The following FLRT1 variants were observed in gnomAD, a reference collection of about 807,000 sequenced individuals.
FLRT1 encodes the protein leucine-rich repeat transmembrane protein FLRT1.
Under a neutral mutation model 30.9 loss-of-function variants are expected in FLRT1, and 14 were observed. The ratio of observed to expected loss-of-function variants is 0.45; its 90% CI spans 0.30 to 0.71. The LOEUF (loss-of-function observed/expected upper bound fraction) is 0.71, where lower values mean the gene tolerates loss of function less well. Among genes scored for constraint, FLRT1 ranks in the 30% least tolerant of loss-of-function variants. The pLI is 0.08. For missense variants in FLRT1, 737 were observed against 949.2 expected (o/e 0.78, Z 2.94); for synonymous variants, 368 against 430.4 (o/e 0.85, Z 1.80).
At chr11:64,094,246 C>T (rs748573211) in intron 1 of FLRT1, among the ~76,000 whole-genome samples, 16 of 152,102 alleles carry the variant, frequency 1.1e-4, no homozygotes, top group East Asian at 3.9e-4. Flanking sequence ...ACCTGGAAGA[C>T]GGTAAAACCA....
chr11:64,039,166 G>A (rs1044669607), intron 1 of FLRT1, among the ~76,000 whole-genome samples: 3 of 152,178 alleles, frequency 2.0e-5, no homozygotes, highest in Non-Finnish European at 4.4e-5. Flanking sequence ...GGGAGCTGGA[G>A]GGCTTTTGCT....
chr11:64,070,359 C>T (rs757070647), intron 1 of FLRT1, among the ~76,000 whole-genome samples: 20 of 152,264 alleles, frequency 1.3e-4, no homozygotes, highest in Middle Eastern at 3.4e-3. Context: ...CAATGATCCT[C>T]CTGGCCCTTC....
At chr11:64,093,251 C>G (rs1017815605) in intron 1 of FLRT1, among the ~76,000 whole-genome samples, 10 of 152,256 alleles carry the variant, frequency 6.6e-5, no homozygotes, top group Non-Finnish European at 1.3e-4. Flanking sequence ...TTATTATCCA[C>G]ATCAACATCT....
At position 64,047,594 on chromosome 11, in the gene FLRT1, G is replaced by A. The variant is rs544484218; in HGVS notation, c.-1038+11435G>A. 2.1e-4 allele frequency among the ~76,000 whole-genome samples: 32 copies of A among 152,210 alleles called. No homozygotes were observed. The South Asian group carries it at 5.8e-3, about 28-fold the overall frequency. On this transcript the variant is annotated intron_variant, in intron 1 of 2. Coordinates refer to ENST00000682287, the MANE Select transcript of FLRT1 (RefSeq NM_013280.5). Reference sequence around the variant, plus strand: ...GCTCCATTTTACAGATGAGGAAACTGAGGTTAATAGAGGGAAGGAAGGCCG... The same window carrying A: ...GCTCCATTTTACAGATGAGGAAACTAAGGTTAATAGAGGGAAGGAAGGCCG...
chr11:64,093,257 C>T (rs1441205345), intron 1 of FLRT1, among the ~76,000 whole-genome samples: 1 of 152,260 alleles, frequency 6.6e-6, no homozygotes, highest in African/African-American at 2.4e-5. Flanking sequence ...TCCACATCAA[C>T]ATCTCAGCTC....
rs936123973 is a variant in FLRT1 at position 64,116,166 on chromosome 11, G to A, written c.-49-53G>A. ...GGGAGGGAATGCACGATTCACTCCT[G>A]GGGTCGCTGTCGCCGCCTCCCTCTC... On this transcript the variant is annotated intron_variant, in intron 2 of 2. Transcript: ENST00000682287. The A allele has an allele frequency of 2.7e-6, 4 of 1,492,344 alleles. No homozygotes were observed. In the African/African-American group the frequency reaches 4.2e-5, roughly 16 times the overall value. The allele number at this position is 1,492,344 out of a possible 1,614,324, so 92.4% of individuals were successfully genotyped here. A position where few individuals can be genotyped will look rare whatever the true frequency, so the allele number is the denominator to read the frequency against.
At chr11:64,052,269 A>AG (rs1943709346) in intron 1 of FLRT1, among the ~76,000 whole-genome samples, 1 of 151,910 alleles carries the variant, frequency 6.6e-6, no homozygotes, top group African/African-American at 2.4e-5. Context: ...AAAAAAAACA[A>AG]CTTTTTTTGC....
Position 64,116,731 on chromosome 11 carries a change from A to G in FLRT1, c.464A>G (p.Lys155Arg), listed in dbSNP as rs1321067304. 2 of 1,613,664 alleles carry G rather than the reference A, an allele frequency of 1.2e-6. No homozygotes were observed. Residue 155 changes from lysine (K) to arginine (R), a missense_variant, in exon 3 of 3, where the codon AAG (lysine) becomes AGG (arginine). Lys to Arg is a conservative substitution (Grantham distance 26). Coordinates refer to ENST00000682287, the MANE Select transcript of FLRT1 (RefSeq NM_013280.5). The stretch of plus-strand genomic sequence containing the variant: ...CTGGCCCGCATCCCGCTGCTGGAGA[A>G]GCTGCACCTGGATGACAACTCCGTG... ...DSLARIPLLE[K>R]LHLDDNSVST...
rs1944472178 is a variant in FLRT1 at position 64,090,606 on chromosome 11, C to T, written c.-1037-12588C>T. On this transcript the variant is annotated intron_variant, in intron 1 of 2. Transcript: ENST00000682287. The surrounding 1 kb of genome is among the most constrained non-coding windows in gnomAD (Gnocchi z 4.7). ...GGAAGTGGAGGCTGTGGCCAGCCAT[C>T]GCCGCAGGAGGGGTCCCAGCTGGAG... Among the ~76,000 whole-genome samples, 1 of 152,168 alleles carries T rather than the reference C, an allele frequency of 6.6e-6. No homozygotes were observed. Among genetic ancestry groups the T allele is most frequent in the Non-Finnish European group, 1.5e-5 (1 of 68,024 alleles).
intron 1 of FLRT1, among the ~76,000 whole-genome samples, chr11:64,039,244 G>T (rs769526748): frequency 6.6e-6 from 1 of 152,132 alleles, no homozygotes; most frequent in Admixed American, 6.5e-5. Flanking sequence ...AAGAAGGGGC[G>T]TGGGTGTGGC....
chr11:64,106,783 T>C (rs1944769775), intron 2 of FLRT1, among the ~76,000 whole-genome samples: 1 of 152,238 alleles, frequency 6.6e-6, no homozygotes, highest in Admixed American at 6.5e-5. Context: ...TCCCCAGCCC[T>C]GCTGGTGCTG....
Position 64,117,638 on chromosome 11 carries a change from C to G in FLRT1, c.1371C>G (p.Ala457=). Reference sequence around the variant, plus strand: ...ACTCCATCCGCATCACGTGGAAGGCCACGCTCCCCGCCTCCTCTTTCCGGC... The same window carrying G: ...ACTCCATCCGCATCACGTGGAAGGCGACGCTCCCCGCCTCCTCTTTCCGGC... The part of the protein sequence containing the change: ...TADSIRITWK[A]TLPASSFRLS... The change falls in exon 3 of 3, where the codon GCC becomes GCG. Residue 457 remains alanine (A), a synonymous_variant. Transcript: ENST00000682287. The G allele has an allele frequency of 6.2e-7, 1 of 1,613,776 alleles. No homozygotes were observed. The highest frequency in any genetic ancestry group is 8.5e-7 in the Non-Finnish European group (1 of 1,180,034).
intron 1 of FLRT1, among the ~76,000 whole-genome samples, chr11:64,048,372 CTT>C (rs1943625781): frequency 6.6e-6 from 1 of 152,210 alleles, no homozygotes; most frequent in South Asian, 2.1e-4. Context: ...GACAGAGGCC[CTT>C]GTCTGTGGAG....
intron 1 of FLRT1, among the ~76,000 whole-genome samples, chr11:64,046,144 C>T (rs1315654275): frequency 2.6e-5 from 4 of 152,278 alleles, no homozygotes; most frequent in South Asian, 4.1e-4. Context: ...GATGGGAACC[C>T]GGCTTCTCTT....
At chr11:64,065,121 C>T (rs1248743334) in intron 1 of FLRT1, among the ~76,000 whole-genome samples, 2 of 152,308 alleles carry the variant, frequency 1.3e-5, no homozygotes, top group South Asian at 2.1e-4. Context: ...CAGAGGAGAA[C>T]GGGCTACACG....
At chr11:64,108,207 G>A (rs1173590897) in intron 2 of FLRT1, among the ~76,000 whole-genome samples, 1 of 152,054 alleles carries the variant, frequency 6.6e-6, no homozygotes, top group Non-Finnish European at 1.5e-5. Flanking sequence ...CAGCTACGCG[G>A]GAGGCTGAGG....
chr11:64,050,663 G>C (rs1246339407), intron 1 of FLRT1, among the ~76,000 whole-genome samples: 1 of 152,258 alleles, frequency 6.6e-6, no homozygotes, highest in Admixed American at 6.5e-5. Flanking sequence ...TTGTCGCCCA[G>C]GCTGGAGTGC....
At chr11:64,079,898 C>T (rs538608016) in intron 1 of FLRT1, among the ~76,000 whole-genome samples, 40 of 152,210 alleles carry the variant, frequency 2.6e-4, no homozygotes, top group Middle Eastern at 3.4e-3. Context: ...TGTCTTCAGT[C>T]GTAAATGAGG....
rs370410537 is a variant in FLRT1 at position 64,116,518 on chromosome 11, C to T, written c.251C>T (p.Thr84Ile). 2.1e-4 allele frequency: 340 copies of T among 1,613,906 alleles called. No homozygotes were observed. The highest frequency in any genetic ancestry group is 2.8e-4 in the Non-Finnish European group (328 of 1,179,968). ...SIPADIPDDA[T>I]TLYLQNNQIN... ...CCCGCAGATATCCCTGATGATGCCACCACCCTCTACCTGCAGAACAACCAG... is the reference window on the plus strand; with the variant it reads ...CCCGCAGATATCCCTGATGATGCCATCACCCTCTACCTGCAGAACAACCAG... The change falls in exon 3 of 3, where the codon ACC becomes ATC. Residue 84 changes from threonine to isoleucine, a missense_variant. Transcript: ENST00000682287.
Sources: gnomAD v4.1 joint callset for allele counts (sites outside exome capture counted in the v4.1 genomes callset) on GRCh38, gnomAD v4.1.1 for gene constraint, Gnocchi (gnomAD v3.1) non-coding constraint, MANE v1.5 for transcripts, NCBI Gene and HGNC (gene_info 2026-07-23, HGNC 2026-07-21) for gene names.